The following MCM9 variants were observed in gnomAD, a reference collection of about 807,000 sequenced individuals.
The protein encoded by MCM9 is DNA helicase MCM9.
A neutral mutation model predicts 72.8 loss-of-function variants in MCM9; 55 were observed. The ratio of observed to expected loss-of-function variants is 0.76; its 90% CI spans 0.61 to 0.95. The LOEUF is 0.95. Ranked by LOEUF, MCM9 falls within the 40% of genes least tolerant of loss-of-function variation. MCM9 has a pLI of 0.00. For synonymous variants in MCM9, 480 were observed against 503.4 expected, an observed-to-expected ratio of 0.95 and a Z score of 0.62; for missense variants, 1,279 against 1,377.0, an observed-to-expected ratio of 0.93 and a Z score of 1.13.
At chr6:118,917,250 T>A (rs973630117) in intron 6 of MCM9, among the ~76,000 whole-genome samples, 1 of 152,248 alleles carries the variant, frequency 6.6e-6, no homozygotes, top group Non-Finnish European at 1.5e-5. Flanking sequence ...CATAAAAGGA[T>A]GAGTTTTGCC....
At chr6:118,879,648 A>T (rs1419234878) in intron 8 of MCM9, among the ~76,000 whole-genome samples, 1 of 152,196 alleles carries the variant, frequency 6.6e-6, no homozygotes, top group Non-Finnish European at 1.5e-5. Flanking sequence ...CATCAGAATA[A>T]AAAATACTAG....
At chr6:118,821,238 GTA>G (rs1244504085) in intron 13 of MCM9, among the ~76,000 whole-genome samples, 1 of 152,150 alleles carries the variant, frequency 6.6e-6, no homozygotes, top group Non-Finnish European at 1.5e-5. Context: ...TTACAATTTG[GTA>G]TGTTTTTGTA....
At chr6:118,870,102 GA>G (rs1303764814) in intron 8 of MCM9, among the ~76,000 whole-genome samples, 2 of 152,174 alleles carry the variant, frequency 1.3e-5, no homozygotes, top group Non-Finnish European at 2.9e-5. Context: ...CATTTAGACA[GA>G]AAATCAATAT....
intron 8 of MCM9, among the ~76,000 whole-genome samples, chr6:118,872,397 A>G (rs1777661992): frequency 6.6e-6 from 1 of 152,206 alleles, no homozygotes; most frequent in South Asian, 2.1e-4. Context: ...ACAGTTCTAA[A>G]TAACACATGG....
chr6:118,863,342 T>C (rs1777018998), intron 8 of MCM9, among the ~76,000 whole-genome samples: 1 of 152,112 alleles, frequency 6.6e-6, no homozygotes, highest in Non-Finnish European at 1.5e-5. Flanking sequence ...TAAATGCATA[T>C]GCAAACTCTA....
chr6:118,817,747 T>C (rs1583315542), intron 13 of MCM9, among the ~76,000 whole-genome samples: 1 of 152,202 alleles, frequency 6.6e-6, no homozygotes, highest in Admixed American at 6.5e-5. Flanking sequence ...TAATTTACAC[T>C]CCCACCAACA....
rs536333803 is a variant in MCM9 at position 118,905,592 on chromosome 6, T to G, written c.1150+6058A>C. ...GTTCTAGGTAACTGAAACTCCAGTC[T>G]TGCCTGCCACTAACAGCCTTTTGTG... On this transcript the variant is annotated intron_variant, in intron 8 of 13. Coordinates refer to ENST00000619706, the MANE Select transcript of MCM9 (RefSeq NM_017696.3). 33 of 1,406,372 alleles carry G rather than the reference T, an allele frequency of 2.3e-5. No individual in the cohort carries two copies. In the South Asian group the frequency reaches 4.7e-4, roughly 20 times the overall value. 87.1% of individuals were successfully genotyped at this position (1,406,372 alleles called of 1,614,324 possible). A position where few individuals can be genotyped will look rare whatever the true frequency, so the allele number is the denominator to read the frequency against.
At chr6:118,916,468 TATTA>T (rs1271431805) in intron 6 of MCM9, among the ~76,000 whole-genome samples, 5 of 132,056 alleles carry the variant, frequency 3.8e-5, no homozygotes, top group Non-Finnish European at 8.0e-5. Context: ...TTATTATTAT[TATTA>T]TTATGAGACA....
At chr6:118,928,748 A>C (rs1221643119) in intron 3 of MCM9, among the ~76,000 whole-genome samples, 2 of 151,632 alleles carry the variant, frequency 1.3e-5, no homozygotes, top group African/African-American at 4.8e-5. Context: ...GCTACCCAGG[A>C]GGCTGAGGTG....
At chr6:118,827,125 TAAAC>T (rs1774220259) in intron 11 of MCM9, among the ~76,000 whole-genome samples, 1 of 152,214 alleles carries the variant, frequency 6.6e-6, no homozygotes, top group African/African-American at 2.4e-5. Context: ...ACGGGCTATA[TAAAC>T]ATACATTTAA....
At chr6:118,927,569 T>G (rs1197472732) in intron 3 of MCM9, among the ~76,000 whole-genome samples, 3 of 151,260 alleles carry the variant, frequency 2.0e-5, no homozygotes, top group African/African-American at 7.3e-5. Flanking sequence ...CGTGCCACTG[T>G]ACTCCAGACT....
At chr6:118,916,660 C>A (rs931636746) in intron 6 of MCM9, among the ~76,000 whole-genome samples, 2 of 151,184 alleles carry the variant, frequency 1.3e-5, no homozygotes, top group African/African-American at 4.9e-5. Context: ...CGCCACCACA[C>A]CTGGCTAATT....
chr6:118,817,329 C>T (rs1447914752), intron 13 of MCM9, among the ~76,000 whole-genome samples: 1 of 151,892 alleles, frequency 6.6e-6, no homozygotes, highest in Non-Finnish European at 1.5e-5. Flanking sequence ...TGACATTCTC[C>T]TCCCTGTGTC....
intron 8 of MCM9, among the ~76,000 whole-genome samples, chr6:118,901,377 G>A (rs534842467): frequency 1.8e-4 from 28 of 152,304 alleles, no homozygotes; most frequent in Non-Finnish European, 3.2e-4. Context: ...TAACAGATAC[G>A]TTTAGTGGAT....
At chr6:118,845,000 T>C (rs1341030) in intron 9 of MCM9, among the ~76,000 whole-genome samples, 106,760 of 151,718 alleles carry the variant, frequency 0.7, 39,326 homozygotes, top group South Asian at 0.8. Flanking sequence ...ACAGCAGTGA[T>C]TGGCACCTGA....
At chr6:118,850,752 T>C (rs1283760678) in intron 9 of MCM9, among the ~76,000 whole-genome samples, 1 of 151,790 alleles carries the variant, frequency 6.6e-6, no homozygotes, top group Non-Finnish European at 1.5e-5. Context: ...CCACATTCTC[T>C]GTATGGAAAA....
chr6:118,826,657 C>T, intron 12 of MCM9, 125 bp downstream of exon 12: 2 of 704,842 alleles, frequency 2.8e-6, no homozygotes, highest in Non-Finnish European at 4.7e-6. Flanking sequence ...GGATATATTT[C>T]CAGGAATTAC....
chr6:118,894,415 T>C, intron 8 of MCM9: 1 of 1,537,016 alleles, frequency 6.5e-7, no homozygotes, highest in Non-Finnish European at 8.7e-7. Flanking sequence ...TTTCAAAATA[T>C]GGCAAAGGTT....
intron 8 of MCM9, among the ~76,000 whole-genome samples, chr6:118,899,405 T>G (rs966677331): frequency 6.6e-6 from 1 of 152,144 alleles, no homozygotes; most frequent in Non-Finnish European, 1.5e-5. Flanking sequence ...AGCCCTAGCC[T>G]CCTTGCTTTT....
Sources: allele counts gnomAD v4.1 joint callset (sites outside exome capture counted in the v4.1 genomes callset), GRCh38; gene constraint gnomAD v4.1.1; transcripts MANE v1.5; gene names NCBI Gene and HGNC (gene_info 2026-07-23, HGNC 2026-07-21).